SEMA6D: variants seen among roughly 807,000 people sequenced by gnomAD.
SEMA6D encodes the protein semaphorin-6D.
Under a neutral mutation model 106.6 loss-of-function variants are expected in SEMA6D, and 35 were observed. The ratio of observed to expected loss-of-function variants is 0.33; its 90% CI spans 0.25 to 0.44. The LOEUF (loss-of-function observed/expected upper bound fraction) is 0.44, where lower values mean the gene tolerates loss of function less well. SEMA6D is among the 20% of genes least tolerant of loss of function. SEMA6D has a pLI of 1.00. For synonymous variants in SEMA6D, 499 were observed against 487.7 expected (o/e 1.02, Z -0.31); for missense variants, 1,185 against 1,345.9 (o/e 0.88, Z 1.87).
intron 4 of SEMA6D, among the ~76,000 whole-genome samples, chr15:47,695,225 T>C (rs2078673460): frequency 6.6e-6 from 1 of 152,206 alleles, no homozygotes; most frequent in African/African-American, 2.4e-5. Context: ...ATTCTCGTTT[T>C]TCAAAGGCAG....
intron 3 of SEMA6D, among the ~76,000 whole-genome samples, chr15:47,575,611 C>T (rs900591096): frequency 5.3e-5 from 8 of 152,036 alleles, no homozygotes; most frequent in South Asian, 2.1e-4. Flanking sequence ...CCCATCTACC[C>T]GGGAGGCTGA....
intron 3 of SEMA6D, among the ~76,000 whole-genome samples, chr15:47,473,058 A>G (rs541256019): frequency 2.6e-5 from 4 of 152,356 alleles, no homozygotes; most frequent in East Asian, 1.9e-4. Context: ...GAAAAGAGAC[A>G]TTCAGACTCT....
At chr15:47,374,171 A>G (rs1475114229) in intron 1 of SEMA6D, among the ~76,000 whole-genome samples, 1 of 152,222 alleles carries the variant, frequency 6.6e-6, no homozygotes, top group African/African-American at 2.4e-5. Flanking sequence ...TCTCTGTATT[A>G]TCCATAATAA....
At chr15:47,485,889 C>T (rs1257161095) in intron 3 of SEMA6D, among the ~76,000 whole-genome samples, 1 of 152,174 alleles carries the variant, frequency 6.6e-6, no homozygotes, top group Non-Finnish European at 1.5e-5. Flanking sequence ...ATTGAGTCCA[C>T]AGAGCTAATA....
intron 2 of SEMA6D, among the ~76,000 whole-genome samples, chr15:47,461,529 A>G (rs1371971597): frequency 1.3e-5 from 2 of 152,076 alleles, no homozygotes; most frequent in Admixed American, 1.3e-4. Flanking sequence ...GTTAAATTTC[A>G]TGGTTATTAC....
At chr15:47,342,533 G>T (rs1329860897) in intron 1 of SEMA6D, among the ~76,000 whole-genome samples, 2 of 152,054 alleles carry the variant, frequency 1.3e-5, no homozygotes, top group African/African-American at 4.8e-5. Context: ...TGTTTCAAAT[G>T]GTTATTGTTT....
chr15:47,341,703 T>A (rs796353010), intron 1 of SEMA6D, among the ~76,000 whole-genome samples: 8 of 152,322 alleles, frequency 5.3e-5, no homozygotes, highest in African/African-American at 1.9e-4. Flanking sequence ...TCTGTCGTGA[T>A]TCTCATACAC....
At chr15:47,519,720 A>G (rs952339023) in intron 3 of SEMA6D, among the ~76,000 whole-genome samples, 1 of 152,230 alleles carries the variant, frequency 6.6e-6, no homozygotes, top group African/African-American at 2.4e-5. Context: ...GTGACAATGA[A>G]CAATGTATAA....
intron 3 of SEMA6D, among the ~76,000 whole-genome samples, chr15:47,494,179 G>A (rs2043560495): frequency 6.6e-6 from 1 of 152,076 alleles, no homozygotes; most frequent in African/African-American, 2.4e-5. Context: ...CATCATCTTG[G>A]TGTCACCCTC....
chr15:47,509,673 G>T (rs1015834359), intron 3 of SEMA6D, among the ~76,000 whole-genome samples: 5 of 152,234 alleles, frequency 3.3e-5, no homozygotes, highest in Admixed American at 2.6e-4. Context: ...TCCTCTTCCA[G>T]TCATTTAAAA....
At chr15:47,554,694 G>A (rs544126241) in intron 3 of SEMA6D, among the ~76,000 whole-genome samples, 113 of 152,250 alleles carry the variant, frequency 7.4e-4, no homozygotes, top group African/African-American at 2.7e-3. Context: ...TTACATGGAG[G>A]GCACACAGAC....
rs146531993 is a variant in SEMA6D at position 47,247,056 on chromosome 15, G to T, written c.-239+62638G>T. Reference sequence around the variant, plus strand: ...TTTCATATTTATTCAGTTGTTACTTGACCACCTGTTATATAACTAGACCTT... The same window carrying T: ...TTTCATATTTATTCAGTTGTTACTTTACCACCTGTTATATAACTAGACCTT... On this transcript the variant is annotated intron_variant, in intron 1 of 19. Transcript: ENST00000558014. Among the ~76,000 whole-genome samples the T allele has an allele frequency of 5.2e-3, 792 of 152,226 alleles. 12 individuals are homozygous for T. The highest frequency in any genetic ancestry group is 0.018 in the African/African-American group (763 of 41,520).
chr15:47,191,309 A>G (rs1002825445), intron 1 of SEMA6D, among the ~76,000 whole-genome samples: 4 of 152,088 alleles, frequency 2.6e-5, no homozygotes, highest in African/African-American at 9.7e-5. Flanking sequence ...AGTATTTATT[A>G]TAAGTATTAC....
intron 1 of SEMA6D, among the ~76,000 whole-genome samples, chr15:47,186,695 C>T (rs533847397): frequency 6.6e-6 from 1 of 152,206 alleles, no homozygotes; most frequent in Admixed American, 6.5e-5. Flanking sequence ...ATGAATCAAC[C>T]AGGTTCTAAT....
intron 3 of SEMA6D, 90 bp from the exon 4 acceptor site, chr15:47,760,888 A>G: frequency 8.4e-7 from 1 of 1,185,408 alleles, no homozygotes; most frequent in Non-Finnish European, 1.2e-6. Flanking sequence ...TCTAAAACAC[A>G]ATAAAGGCAG....
intron 3 of SEMA6D, among the ~76,000 whole-genome samples, chr15:47,529,925 C>T (rs1246428376): frequency 6.6e-6 from 1 of 152,286 alleles, no homozygotes; most frequent in East Asian, 1.9e-4. Flanking sequence ...GTTTCATGTT[C>T]ATGTTCATGT....
intron 4 of SEMA6D, among the ~76,000 whole-genome samples, chr15:47,641,200 G>C (rs1323197753): frequency 6.6e-6 from 1 of 152,030 alleles, no homozygotes; most frequent in African/African-American, 2.4e-5. Flanking sequence ...CTAATGAATG[G>C]CCATGGCCAG....
chr15:47,250,929 A>T (rs1292058566), intron 1 of SEMA6D, among the ~76,000 whole-genome samples: 1 of 152,234 alleles, frequency 6.6e-6, no homozygotes, highest in South Asian at 2.1e-4. Flanking sequence ...CTGGTTTATA[A>T]TGTAGAAAGA....
At chr15:47,206,245 C>T (rs1055511130) in intron 1 of SEMA6D, among the ~76,000 whole-genome samples, 6 of 152,274 alleles carry the variant, frequency 3.9e-5, no homozygotes, top group Admixed American at 1.3e-4. Context: ...AAGTCAAAGG[C>T]CAACATGTAT....
Sources: allele counts gnomAD v4.1 joint callset (sites outside exome capture counted in the v4.1 genomes callset), GRCh38; gene constraint gnomAD v4.1.1; transcripts MANE v1.5; gene names NCBI Gene and HGNC (gene_info 2026-07-23, HGNC 2026-07-21).